Variants in ANLN observed in about 807,000 individuals in gnomAD.
ANLN encodes anillin, actin binding protein, also known as anillin.
ANLN carries 59 observed loss-of-function variants against 135.1 expected under a neutral mutation model. The observed-to-expected ratio is 0.44, with a 90% CI of 0.35 to 0.54. ANLN has a LOEUF of 0.54. Among genes scored for constraint, ANLN ranks in the 20% least tolerant of loss-of-function variants. The pLI is 0.00. For missense variants in ANLN, 1,182 were observed against 1,340.0 expected (o/e 0.88, Z 1.84); for synonymous variants, 406 against 456.4 (o/e 0.89, Z 1.41).
intron 21 of ANLN, among the ~76,000 whole-genome samples, chr7:36,442,523 T>C (rs1375993204): frequency 1.3e-5 from 2 of 152,246 alleles, no homozygotes; most frequent in African/African-American, 2.4e-5. Context: ...CTGGCCCTTA[T>C]AGAAAAGGTT....
At chr7:36,432,171 A>G (rs1788358707) in intron 20 of ANLN, among the ~76,000 whole-genome samples, 1 of 152,228 alleles carries the variant, frequency 6.6e-6, no homozygotes, top group Non-Finnish European at 1.5e-5. Flanking sequence ...TCAAGGCTGC[A>G]GTGAGCTATG....
chr7:36,399,434 A>G, intron 3 of ANLN, 41 bp downstream of exon 3: 1 of 1,480,478 alleles, frequency 6.8e-7, no homozygotes, highest in Non-Finnish European at 9.1e-7. Context: ...CATCTGTTCC[A>G]ATAAGATTCA....
intron 3 of ANLN, 102 bp downstream of exon 3, chr7:36,399,495 T>G: frequency 1.9e-6 from 2 of 1,063,676 alleles, no homozygotes; most frequent in Non-Finnish European, 2.6e-6. Context: ...ATAAATGCTT[T>G]TGTTTTATCT....
Position 36,390,030 on chromosome 7 carries a change from G to T in ANLN, c.4G>T (p.Asp2Tyr). The T allele has an allele frequency of 6.2e-7, 1 of 1,614,056 alleles. No homozygotes were observed. The highest frequency in any genetic ancestry group is 1.1e-5 in the South Asian group (1 of 91,086). Residue 2 changes from aspartate to tyrosine, a missense_variant, in exon 1 of 24, where the codon GAT becomes TAT. Physicochemically the swap from Asp to Tyr is radical, Grantham distance 160. Coordinates refer to ENST00000265748, the MANE Select transcript of ANLN (RefSeq NM_018685.5). ...TCGTAGTCCGACGCCTGGGGCGATG[G>T]ATCCGTTTACGGAGGTGAGTGAGTT... MDPFTEKLLERT... is the reference protein window; with the variant it reads MYPFTEKLLERT...
chr7:36,393,181 A>T (rs1430598970), intron 1 of ANLN, among the ~76,000 whole-genome samples: 3 of 151,848 alleles, frequency 2.0e-5, no homozygotes, highest in African/African-American at 7.3e-5. Flanking sequence ...GCACCACCAT[A>T]ACTGGCTAAT....
At position 36,407,905 on chromosome 7, in the gene ANLN, A is replaced by C; in HGVS notation, c.1045A>C (p.Ser349Arg). 1 of 1,613,846 alleles carries C rather than the reference A, an allele frequency of 6.2e-7. No homozygotes were observed. The highest frequency in any genetic ancestry group is 8.5e-7 in the Non-Finnish European group (1 of 1,179,818). The change falls in exon 5 of 24, where the codon AGT (serine) becomes CGT (arginine). Residue 349 changes from serine (S) to arginine (R), a missense_variant. Around this residue, in one of 3 missense-constraint regions of ANLN, gnomAD observed 1,022 missense variants for 1,134.0 expected, o/e 0.90. Transcript: ENST00000265748. Reference sequence around the variant, plus strand: ...GACAGTTCCATCCAAGGGAGAATTAAGTAGAGAAATTTGTCTGCAATCTCA... The same window carrying C: ...GACAGTTCCATCCAAGGGAGAATTACGTAGAGAAATTTGTCTGCAATCTCA... Reference protein sequence around the residue: ...SQTVPSKGELSREICLQSQSK... With the variant: ...SQTVPSKGELRREICLQSQSK...
chr7:36,428,991 C>G (rs1388524701), intron 20 of ANLN, among the ~76,000 whole-genome samples: 1 of 151,944 alleles, frequency 6.6e-6, no homozygotes, highest in Non-Finnish European at 1.5e-5. Flanking sequence ...ATTGGCCAGG[C>G]TGGTCTCGTG....
intron 20 of ANLN, among the ~76,000 whole-genome samples, chr7:36,430,928 C>T (rs1449714031): frequency 2.0e-5 from 3 of 152,182 alleles, no homozygotes; most frequent in African/African-American, 7.2e-5. Flanking sequence ...TCCCTCCACA[C>T]TCAACTAGGG....
At chr7:36,435,588 C>T (rs1461535898) in intron 20 of ANLN, among the ~76,000 whole-genome samples, 1 of 151,984 alleles carries the variant, frequency 6.6e-6, no homozygotes, top group African/African-American at 2.4e-5. Context: ...TAAGATTTAT[C>T]CATGGCCGGG....
intron 17 of ANLN, among the ~76,000 whole-genome samples, chr7:36,425,340 A>C (rs931725536): frequency 4.1e-5 from 6 of 144,616 alleles, no homozygotes; most frequent in African/African-American, 1.5e-4. Context: ...TGTTGCCCAG[A>C]CTGGAGTGCA....
chr7:36,420,857 G>A, intron 12 of ANLN, 113 bp downstream of exon 12: 1 of 1,016,468 alleles, frequency 9.8e-7, no homozygotes, highest in Middle Eastern at 2.1e-4. Flanking sequence ...GGCCAGAATA[G>A]TGTCTGATGC....
At chr7:36,409,917 C>T (rs1787340573) in intron 5 of ANLN, among the ~76,000 whole-genome samples, 1 of 152,050 alleles carries the variant, frequency 6.6e-6, no homozygotes, top group Non-Finnish European at 1.5e-5. Flanking sequence ...AGAGATCCAC[C>T]CGCCTCGGCC....
At chr7:36,398,965 A>G (rs1786819331) in intron 2 of ANLN, 114 bp from the exon 3 acceptor site, 1 of 798,354 alleles carries the variant, frequency 1.3e-6, no homozygotes, top group Non-Finnish European at 2.0e-6. Flanking sequence ...AACTAAAATC[A>G]TTTAAAAGAA....
chr7:36,422,938 T>C (rs1033200326), intron 14 of ANLN, 129 bp downstream of exon 14: 1 of 718,342 alleles, frequency 1.4e-6, no homozygotes, highest in Non-Finnish European at 2.1e-6. Context: ...TAGGTCCTTT[T>C]ATTGAGATAT....
At chr7:36,408,546 C>T (rs1236319954) in intron 5 of ANLN, among the ~76,000 whole-genome samples, 1 of 152,072 alleles carries the variant, frequency 6.6e-6, no homozygotes, top group Non-Finnish European at 1.5e-5. Context: ...CGAGGATATC[C>T]ATCACCTTAA....
intron 7 of ANLN, 83 bp downstream of exon 7, chr7:36,411,249 T>A (rs892148858): frequency 9.3e-7 from 1 of 1,081,064 alleles, no homozygotes; most frequent in African/African-American, 1.6e-5. Context: ...GGCAAATAAT[T>A]CTTTACACAT....
chr7:36,395,463 A>C (rs575985023), intron 1 of ANLN, among the ~76,000 whole-genome samples: 1 of 152,116 alleles, frequency 6.6e-6, no homozygotes, highest in Admixed American at 6.6e-5. Flanking sequence ...GACCTTTGTG[A>C]TTATGTTGGG....
intron 1 of ANLN, among the ~76,000 whole-genome samples, chr7:36,392,666 A>G (rs1786528133): frequency 6.6e-6 from 1 of 151,958 alleles, no homozygotes; most frequent in Admixed American, 6.5e-5. Context: ...TATATTTAAG[A>G]TATATAATTT....
chr7:36,419,857 T>G (rs984845915), intron 10 of ANLN, among the ~76,000 whole-genome samples: 7 of 152,232 alleles, frequency 4.6e-5, no homozygotes, highest in African/African-American at 1.4e-4. Flanking sequence ...TATCGGTAGT[T>G]AGCTCCAAAC....
Sources: gnomAD v4.1 joint callset for allele counts (sites outside exome capture counted in the v4.1 genomes callset) on GRCh38, gnomAD v4.1.1 for gene constraint, gnomAD v4.1.1 regional missense constraint, MANE v1.5 for transcripts, NCBI Gene and HGNC (gene_info 2026-07-23, HGNC 2026-07-21) for gene names.